Variants in RERE observed in about 807,000 individuals in gnomAD.
RERE encodes the protein arginine-glutamic acid dipeptide repeats protein.
RERE carries 40 observed loss-of-function variants against 146.1 expected under a neutral mutation model. The observed-to-expected ratio is 0.27, with a 90% CI of 0.21 to 0.36. RERE has a LOEUF of 0.36. Ranked by LOEUF, RERE falls within the 10% of genes least tolerant of loss-of-function variation. The pLI, the probability that RERE is intolerant of heterozygous loss-of-function variation, is 1.00. For missense variants in RERE, 1,933 were observed against 2,138.7 expected, an observed-to-expected ratio of 0.90 and a Z score of 1.90; for synonymous variants, 1,003 against 866.0, an observed-to-expected ratio of 1.16 and a Z score of -2.78.
intron 10 of RERE, among the ~76,000 whole-genome samples, chr1:8,474,925 A>G (rs1334211555): frequency 6.6e-6 from 1 of 152,248 alleles, no homozygotes; most frequent in Non-Finnish European, 1.5e-5. Context: ...TATGCAAAAT[A>G]TCTGTTTATA....
chr1:8,609,667 T>C (rs1157761252), intron 4 of RERE, among the ~76,000 whole-genome samples: 1 of 152,202 alleles, frequency 6.6e-6, no homozygotes, highest in Non-Finnish European at 1.5e-5. Flanking sequence ...ATTGGAGTTC[T>C]TTCTAAGCAA....
intron 12 of RERE, among the ~76,000 whole-genome samples, chr1:8,388,788 C>T (rs1642778630): frequency 6.6e-6 from 1 of 152,224 alleles, no homozygotes; most frequent in South Asian, 2.1e-4. Flanking sequence ...AAAGGTTTCT[C>T]TTCTCTACAG....
In RERE at chr1:8,386,022, ATTTTTTTTTTTTTTTT is replaced by A. The variant is rs60050106; in HGVS notation, c.1285-20064_1285-20049del. On this transcript the variant is annotated intron_variant, in intron 12 of 22. Coordinates refer to ENST00000400908, the MANE Select transcript of RERE (RefSeq NM_001042681.2). ...TATATATATATATATATATATATAT[ATTTTTTTTTTTTTTTT>A]TTTTTTTTTTCTTGGTTCACAGCAG... Among the ~76,000 whole-genome samples, 3 of 26,636 alleles carry A rather than the reference ATTTTTTTTTTTTTTTT, an allele frequency of 1.1e-4. No homozygotes were observed. In the East Asian group the frequency reaches 4.7e-3, roughly 42 times the overall value. The allele number at this position is 26,636 out of a possible 152,430, so 17.5% of individuals were successfully genotyped here.
chr1:8,370,400 G>C (rs776843268), intron 12 of RERE, among the ~76,000 whole-genome samples: 4 of 152,200 alleles, frequency 2.6e-5, no homozygotes, highest in Non-Finnish European at 4.4e-5. Context: ...TCTGTAAGTT[G>C]AATGTGGTGT....
At chr1:8,358,954 C>T (rs761257782) in intron 19 of RERE, 38 bp from the exon 20 acceptor site, 15 of 1,499,014 alleles carry the variant, frequency 1.0e-5, no homozygotes, top group Admixed American at 6.7e-5. Context: ...GTCCCCCGAG[C>T]GCCTGGGGTC....
chr1:8,765,654 A>C (rs775036794), intron 1 of RERE, among the ~76,000 whole-genome samples: 2 of 152,120 alleles, frequency 1.3e-5, no homozygotes, highest in Non-Finnish European at 2.9e-5. Context: ...CCCCATCTCT[A>C]CTAAAAATAC....
intron 1 of RERE, among the ~76,000 whole-genome samples, chr1:8,691,118 G>C (rs907987449): frequency 6.6e-6 from 1 of 152,012 alleles, no homozygotes; most frequent in African/African-American, 2.4e-5. Context: ...GGATGGTCTC[G>C]ATCTCTTGAC....
intron 1 of RERE, among the ~76,000 whole-genome samples, chr1:8,791,696 G>A (rs1641365575): frequency 6.6e-6 from 1 of 152,166 alleles, no homozygotes. Flanking sequence ...AAGTATACGG[G>A]AAGCATGATT....
At chr1:8,488,596 A>C (rs1434834818) in intron 10 of RERE, among the ~76,000 whole-genome samples, 1 of 152,182 alleles carries the variant, frequency 6.6e-6, no homozygotes, top group East Asian at 1.9e-4. Flanking sequence ...TTTACATGGA[A>C]ATGGAAATTA....
chr1:8,354,875 G>C lies in RERE; in HGVS notation c.*212C>G. On this transcript the variant is annotated 3_prime_UTR_variant, in exon 23 of 23. Coordinates refer to ENST00000400908, the MANE Select transcript of RERE (RefSeq NM_001042681.2). ...GGACTCACTAAGTTTCTGGGGGACT[G>C]TCATGCAGGGAGATCCAAACCAGTC... 1 of 589,150 alleles carries C rather than the reference G, an allele frequency of 1.7e-6. No homozygotes were observed. The highest frequency in any genetic ancestry group is 3.0e-6 in the Non-Finnish European group (1 of 335,398). The allele number at this position is 589,150 out of a possible 1,614,324, so 36.5% of individuals were successfully genotyped here. A position where few individuals can be genotyped will look rare whatever the true frequency, so the allele number is the denominator to read the frequency against.
At chr1:8,684,216 T>C (rs944987319) in intron 1 of RERE, among the ~76,000 whole-genome samples, 1 of 152,136 alleles carries the variant, frequency 6.6e-6, no homozygotes, top group African/African-American at 2.4e-5. Flanking sequence ...TTTTCATGGT[T>C]CAAGGTGTGC....
chr1:8,382,549 A>G (rs1309774571), intron 12 of RERE, among the ~76,000 whole-genome samples: 1 of 152,240 alleles, frequency 6.6e-6, no homozygotes, highest in Non-Finnish European at 1.5e-5. Context: ...CTTAAAATGA[A>G]GTGACTATTA....
At chr1:8,808,147 C>CAAAAA (rs778069782) in intron 1 of RERE, among the ~76,000 whole-genome samples, 2 of 53,146 alleles carry the variant, frequency 3.8e-5, no homozygotes, top group African/African-American at 6.4e-5. Context: ...GACCTTGTCT[C>CAAAAA]AAAAAAAAAA....
chr1:8,629,426 A>G (rs922128073), intron 2 of RERE, among the ~76,000 whole-genome samples: 1 of 152,224 alleles, frequency 6.6e-6, no homozygotes, highest in African/African-American at 2.4e-5. Flanking sequence ...TGCCATCTGT[A>G]AACAACAGAG....
intron 1 of RERE, among the ~76,000 whole-genome samples, chr1:8,680,639 C>T (rs973131225): frequency 1.3e-5 from 2 of 152,054 alleles, no homozygotes; most frequent in Non-Finnish European, 2.9e-5. Flanking sequence ...CTGTGGGCTT[C>T]AGGGTAAAAA....
rs1218019952 is a variant in RERE at position 8,353,707 on chromosome 1, G to A, written c.*1380C>T. 1 of 152,276 alleles carries A rather than the reference G, an allele frequency of 6.6e-6. No homozygotes were observed. The highest frequency in any genetic ancestry group is 1.5e-5 in the Non-Finnish European group (1 of 68,080). The allele number at this position is 152,276 out of a possible 1,614,324, so 9.4% of individuals were successfully genotyped here. On this transcript the variant is annotated 3_prime_UTR_variant, in exon 23 of 23. Transcript: ENST00000400908. ...GCAGCCCCCACACAGCATGCTTTCT[G>A]AATGCACTGTGGGTGGGACTCCAGT...
chr1:8,483,965 G>A (rs1644867139), intron 10 of RERE, among the ~76,000 whole-genome samples: 1 of 152,156 alleles, frequency 6.6e-6, no homozygotes, highest in Non-Finnish European at 1.5e-5. Context: ...TTTAGTGTTG[G>A]TGAGAAAATG....
At chr1:8,529,018 C>T (rs973464291) in intron 7 of RERE, among the ~76,000 whole-genome samples, 3 of 151,946 alleles carry the variant, frequency 2.0e-5, no homozygotes, top group Non-Finnish European at 4.4e-5. Flanking sequence ...TTTTAGATTT[C>T]GAATTTTCAG....
intron 11 of RERE, among the ~76,000 whole-genome samples, chr1:8,426,367 T>G (rs866381241): frequency 6.8e-6 from 1 of 148,106 alleles, no homozygotes; most frequent in African/African-American, 2.5e-5. Flanking sequence ...GGCAGGAGAA[T>G]GGCGTCAACC....
Sources: gnomAD v4.1 joint callset for allele counts (sites outside exome capture counted in the v4.1 genomes callset) on GRCh38, gnomAD v4.1.1 for gene constraint, MANE v1.5 for transcripts, NCBI Gene and HGNC (gene_info 2026-07-23, HGNC 2026-07-21) for gene names.